The following SMC2 variants were observed in gnomAD, a reference collection of about 807,000 sequenced individuals.
SMC2 encodes structural maintenance of chromosomes protein 2.
Under a neutral mutation model 142.6 loss-of-function variants are expected in SMC2, and 41 were observed. The observed-to-expected ratio is 0.29, with a 90% CI of 0.22 to 0.37. SMC2 has a LOEUF of 0.37. Among genes scored for constraint, SMC2 ranks in the 10% least tolerant of loss-of-function variants. SMC2 has a pLI of 1.00. For synonymous variants in SMC2, 463 were observed against 457.5 expected (o/e 1.01, Z -0.15); for missense variants, 1,265 against 1,373.7 (o/e 0.92, Z 1.25).
chr9:104,135,437 G>GA (rs1465360600), intron 23 of SMC2, among the ~76,000 whole-genome samples: 1 of 152,038 alleles, frequency 6.6e-6, no homozygotes, highest in African/African-American at 2.4e-5. Context: ...ACTGGAGAAA[G>GA]AAAAAACAAC....
At chr9:104,092,523 T>G (rs1471663629), upstream of SMC2, 2 of 152,226 alleles carry the variant, frequency 1.3e-5, no homozygotes, top group Non-Finnish European at 2.9e-5. Context: ...TCAAAGTTAA[T>G]GTGTAAGAGT....
intron 17 of SMC2, among the ~76,000 whole-genome samples, chr9:104,124,022 G>A (rs941574411): frequency 3.9e-5 from 6 of 152,190 alleles, no homozygotes; most frequent in Non-Finnish European, 7.3e-5. Flanking sequence ...CCAAGGTTAT[G>A]TTTGCACCTG....
intron 5 of SMC2, 149 bp from the exon 6 acceptor site, chr9:104,099,944 G>C (rs918462679): frequency 3.2e-6 from 2 of 622,376 alleles, no homozygotes; most frequent in African/African-American, 3.8e-5. Context: ...AGGTTTGTGT[G>C]AAATTACTAT....
intron 23 of SMC2, chr9:104,136,010 T>C (rs2131569564): frequency 2.0e-6 from 1 of 494,784 alleles, no homozygotes; most frequent in East Asian, 5.6e-5. Context: ...AAGTTTCTCC[T>C]GACCTTACAC....
chr9:104,102,606 T>G (rs1831291038), intron 9 of SMC2, 33 bp downstream of exon 9: 3 of 1,599,630 alleles, frequency 1.9e-6, no homozygotes, highest in Non-Finnish European at 2.6e-6. Flanking sequence ...TAGTGCCACT[T>G]GTAGACAAGT....
upstream of SMC2, among the ~76,000 whole-genome samples, chr9:104,093,830 C>T (rs373334161): frequency 4.4e-4 from 66 of 151,618 alleles, 1 homozygote; most frequent in African/African-American, 1.5e-3. Flanking sequence ...CCAAGAAGTA[C>T]AGCTTTTATT....
upstream of SMC2, among the ~76,000 whole-genome samples, chr9:104,090,535 C>G (rs1315051793): frequency 6.6e-6 from 1 of 152,066 alleles, no homozygotes; most frequent in Non-Finnish European, 1.5e-5. Context: ...CATAAGGTAC[C>G]TATGAGAAAT....
Position 104,113,456 on chromosome 9 carries a change from GA to G in SMC2, c.1400del (p.Lys467SerfsTer2). The G allele has an allele frequency of 6.2e-7, 1 of 1,600,814 alleles. No individual in the cohort carries two copies. The highest frequency in any genetic ancestry group is 8.5e-7 in the Non-Finnish European group (1 of 1,175,288). On this transcript the variant is annotated frameshift_variant, in exon 11 of 25. Transcript: ENST00000374793. LOFTEE classifies it high-confidence loss of function. ...RLKEKLEAEM[K>X]KLNYEENKEE... ...TTAAAGAAAAACTTGAAGCTGAAAT[GA>G]AAAAGCTAAATTATGAAGGTTTGCC... is the stretch of plus-strand genomic sequence containing the variant.
intron 23 of SMC2, 55 bp from the exon 24 acceptor site, chr9:104,137,962 GT>G: frequency 7.5e-7 from 1 of 1,336,238 alleles, no homozygotes. Context: ...TTGCTTCAGT[GT>G]TTTGATAAGT....
chr9:104,122,630 T>C (rs1414939208), intron 16 of SMC2, among the ~76,000 whole-genome samples: 2 of 152,090 alleles, frequency 1.3e-5, no homozygotes, highest in African/African-American at 4.8e-5. Context: ...TTCAAGAAAG[T>C]GCATTTTAAA....
At chr9:104,092,883 T>A (rs1200158139), upstream of SMC2, 3 of 152,166 alleles carry the variant, frequency 2.0e-5, no homozygotes, top group African/African-American at 4.8e-5. Flanking sequence ...TTTGAAATCC[T>A]AACTCCCGAA....
intron 9 of SMC2, among the ~76,000 whole-genome samples, chr9:104,103,478 C>T (rs553118624): frequency 4.6e-5 from 7 of 152,180 alleles, no homozygotes; most frequent in Non-Finnish European, 1.0e-4. Context: ...GTAGAAAAGT[C>T]GTCATTTGTG....
intron 9 of SMC2, 130 bp from the exon 10 acceptor site, chr9:104,111,451 T>C (rs1001906387): frequency 5.1e-6 from 3 of 593,856 alleles, no homozygotes; most frequent in African/African-American, 3.7e-5. Flanking sequence ...TATAAAGTTA[T>C]GATGGTTAAA....
chr9:104,094,517 A>G, intron 1 of SMC2, 40 bp downstream of exon 1: 2 of 308,582 alleles, frequency 6.5e-6, no homozygotes, highest in Admixed American at 5.5e-5. Flanking sequence ...GGGCCGGGCC[A>G]GACTTCCTGG....
chr9:104,099,292 T>C (rs1206481160), intron 4 of SMC2, among the ~76,000 whole-genome samples: 4 of 152,112 alleles, frequency 2.6e-5, no homozygotes, highest in African/African-American at 9.6e-5. Flanking sequence ...CAAAGAAATG[T>C]TAAAAGTTTT....
chr9:104,097,459 A>G (rs1392862326), intron 3 of SMC2, among the ~76,000 whole-genome samples: 1 of 144,534 alleles, frequency 6.9e-6, no homozygotes, highest in Non-Finnish European at 1.5e-5. Context: ...CCATCTTATC[A>G]TTTATCACTT....
At chr9:104,100,843 G>A (rs1177581663) in intron 7 of SMC2, among the ~76,000 whole-genome samples, 2 of 152,154 alleles carry the variant, frequency 1.3e-5, no homozygotes, top group Non-Finnish European at 2.9e-5. Context: ...GTAAGCAAAA[G>A]GTATTGAAAC....
At chr9:104,104,425 G>T (rs1423462653) in intron 9 of SMC2, among the ~76,000 whole-genome samples, 1 of 152,170 alleles carries the variant, frequency 6.6e-6, no homozygotes, top group Non-Finnish European at 1.5e-5. Flanking sequence ...ATTTGCACGT[G>T]CTCAACTTGC....
At chr9:104,136,089 A>G (rs1004728316) in intron 23 of SMC2, 3 of 315,768 alleles carry the variant, frequency 9.5e-6, no homozygotes, top group Non-Finnish European at 1.9e-5. Context: ...TTACCTACCA[A>G]TAGCCAATTA....
Sources: allele counts gnomAD v4.1 joint callset (sites outside exome capture counted in the v4.1 genomes callset), GRCh38; gene constraint gnomAD v4.1.1; transcripts MANE v1.5; gene names NCBI Gene and HGNC (gene_info 2026-07-23, HGNC 2026-07-21).